The following PDXDC1 variants were observed in gnomAD, a reference collection of about 807,000 sequenced individuals.
PDXDC1 encodes the protein pyridoxal dependent decarboxylase domain containing 1, also known as pyridoxal-dependent decarboxylase domain-containing protein 1.
A neutral mutation model predicts 100.1 loss-of-function variants in PDXDC1; 42 were observed. That is an observed-to-expected ratio of 0.42 (90% CI 0.33 to 0.54). The LOEUF (loss-of-function observed/expected upper bound fraction) is 0.54, where lower values mean the gene tolerates loss of function less well. PDXDC1 is among the 20% of genes least tolerant of loss of function. The probability of loss-of-function intolerance (pLI) is 0.10; values close to 1 mark genes in which losing one functional copy is unlikely to be tolerated. For missense variants in PDXDC1, 636 were observed against 979.2 expected, an observed-to-expected ratio of 0.65 and a Z score of 4.68; for synonymous variants, 260 against 371.7, an observed-to-expected ratio of 0.70 and a Z score of 3.46.
intron 1 of PDXDC1, chr16:14,990,032 C>G: frequency 6.8e-7 from 1 of 1,476,010 alleles, no homozygotes; most frequent in Non-Finnish European, 8.9e-7. Context: ...GGCCGCCCGC[C>G]GCCCGCTGCG....
intron 16 of PDXDC1, among the ~76,000 whole-genome samples, chr16:15,070,616 C>T (rs574903542): frequency 6.6e-6 from 1 of 152,224 alleles, no homozygotes; most frequent in Admixed American, 6.5e-5. Flanking sequence ...GTCTGGTGGA[C>T]TTCAGTATTC....
At chr16:15,011,158 T>TA (rs2041227044) in intron 8 of PDXDC1, among the ~76,000 whole-genome samples, 2 of 152,418 alleles carry the variant, frequency 1.3e-5, no homozygotes, top group South Asian at 4.1e-4. Flanking sequence ...TTGGAAGACT[T>TA]ACCTTGTCAT....
At chr16:15,023,235 G>A (rs1471073028) in intron 13 of PDXDC1, among the ~76,000 whole-genome samples, 1 of 152,282 alleles carries the variant, frequency 6.6e-6, no homozygotes, top group Non-Finnish European at 1.5e-5. Flanking sequence ...TTCCTGAAGT[G>A]AATCCAACAG....
intron 19 of PDXDC1, 64 bp downstream of exon 19, chr16:15,033,463 A>G: frequency 1.3e-6 from 2 of 1,565,814 alleles, no homozygotes; most frequent in Admixed American, 1.7e-5. Context: ...AGCAGGGGCC[A>G]CGAGGAAAGC....
chr16:15,021,204 C>A (rs1179660862), intron 12 of PDXDC1, among the ~76,000 whole-genome samples: 1 of 152,342 alleles, frequency 6.6e-6, no homozygotes, highest in African/African-American at 2.4e-5. Flanking sequence ...TGGTCAAACC[C>A]TGTCTCTACA....
Position 15,031,112 on chromosome 16 carries a change from A to ATTT in PDXDC1, c.1400-602_1400-600dup, listed in dbSNP as rs771115923. ...ACTACAGGCGAGCACCACCACATCT[A>ATTT]TTTTTTTTTTTTTTTTTTTTTTTCC... is the stretch of plus-strand genomic sequence containing the variant. On this transcript the variant is annotated intron_variant, in intron 16 of 22. Coordinates refer to ENST00000396410, the MANE Select transcript of PDXDC1 (RefSeq NM_015027.4). Among the ~76,000 whole-genome samples the ATTT allele has an allele frequency of 6.8e-5, 5 of 73,920 alleles. 1 individual carries two copies. Among genetic ancestry groups the ATTT allele is most frequent in the Admixed American group, 3.8e-4 (2 of 5,224 alleles). 48.5% of individuals were successfully genotyped at this position (73,920 alleles called of 152,430 possible). A position where few individuals can be genotyped will look rare whatever the true frequency, so the allele number is the denominator to read the frequency against.
intron 12 of PDXDC1, among the ~76,000 whole-genome samples, chr16:15,020,883 C>CT (rs1456038185): frequency 6.6e-6 from 1 of 152,180 alleles, no homozygotes; most frequent in Non-Finnish European, 1.5e-5. Context: ...ACTCAGGAGG[C>CT]TGAGGCAGGG....
At chr16:15,069,199 AG>A (rs1394475755) in intron 16 of PDXDC1, among the ~76,000 whole-genome samples, 2 of 151,956 alleles carry the variant, frequency 1.3e-5, no homozygotes, top group African/African-American at 2.4e-5. Context: ...CAGTATCTGG[AG>A]ACACTTTTAG....
At chr16:15,021,563 G>A (rs377092557) in intron 12 of PDXDC1, among the ~76,000 whole-genome samples, 649 of 152,152 alleles carry the variant, frequency 4.3e-3, no homozygotes, top group Non-Finnish European at 3.5e-3. Context: ...TCAATATCCC[G>A]TGGCTATGGA....
intron 16 of PDXDC1, among the ~76,000 whole-genome samples, chr16:15,104,976 T>C (rs2046742203): frequency 2.0e-5 from 3 of 151,592 alleles, no homozygotes; most frequent in Non-Finnish European, 2.9e-5. Flanking sequence ...CACTGTTGTC[T>C]CCACATGCCA....
At chr16:14,999,065 A>T (rs1972597177) in intron 3 of PDXDC1, among the ~76,000 whole-genome samples, 5 of 152,286 alleles carry the variant, frequency 3.3e-5, no homozygotes, top group Admixed American at 3.3e-4. Context: ...AGCCTGAGTG[A>T]TAGAGACACT....
At chr16:14,997,356 G>T (rs1259786007) in intron 1 of PDXDC1, among the ~76,000 whole-genome samples, 1 of 152,244 alleles carries the variant, frequency 6.6e-6, no homozygotes, top group African/African-American at 2.4e-5. Context: ...GGCCAACATG[G>T]TGAAACCCCC....
At chr16:15,108,133 C>G (rs933448955) in intron 16 of PDXDC1, 7 of 809,174 alleles carry the variant, frequency 8.7e-6, no homozygotes, top group Non-Finnish European at 1.0e-5. Flanking sequence ...TGCAAACCAT[C>G]CACCCTGGTG....
In PDXDC1 at chr16:15,128,517, G is replaced by A. The variant is rs1351456411; in HGVS notation, c.1400-10362G>A. The A allele has an allele frequency of 3.1e-4, 203 of 659,388 alleles. No individual in the cohort carries two copies. In the East Asian group the frequency reaches 3.9e-3, roughly 13 times the overall value. The allele number at this position is 659,388 out of a possible 1,614,324, so 40.8% of individuals were successfully genotyped here. ...CACACAGGCAGTCCCGGCTTTGCACGGCTCTGCCATACACGAGGAGCTGAG... is the reference window on the plus strand; with the variant it reads ...CACACAGGCAGTCCCGGCTTTGCACAGCTCTGCCATACACGAGGAGCTGAG... On this transcript the variant is annotated intron_variant, in intron 16 of 16. Coordinates refer to the PDXDC1 transcript ENST00000535621.
In PDXDC1 at chr16:15,005,317, A is replaced by AAAAAAAAAAAG. The variant is rs5816114; in HGVS notation, c.389+987_389+988insAAAAAAAGAAA. On this transcript the variant is annotated intron_variant, in intron 5 of 22. Coordinates refer to ENST00000396410, the MANE Select transcript of PDXDC1 (RefSeq NM_015027.4). Reference sequence around the variant, plus strand: ...GAGACTCTGTCTCAAAAAAAAAAAAAAAAGAAAACTCTGTCATAAGGAAGA... The same window carrying AAAAAAAAAAAG: ...GAGACTCTGTCTCAAAAAAAAAAAAAAAAAAAAAAAGAAAGAAAACTCTGTCATAAGGAAGA... Among the ~76,000 whole-genome samples the AAAAAAAAAAAG allele has an allele frequency of 1.0e-4, 15 of 146,904 alleles. 1 individual carries two copies. Among genetic ancestry groups the AAAAAAAAAAAG allele is most frequent in the East Asian group, 2.1e-4 (1 of 4,834 alleles).
intron 16 of PDXDC1, among the ~76,000 whole-genome samples, chr16:15,082,036 CAT>C (rs1258943593): frequency 3.3e-5 from 5 of 152,198 alleles, no homozygotes; most frequent in Non-Finnish European, 7.3e-5. Flanking sequence ...CTTAGAATGA[CAT>C]ATAAAATCAC....
chr16:14,990,259 G>A (rs566488566), intron 1 of PDXDC1: 484 of 584,144 alleles, frequency 8.3e-4, no homozygotes, highest in African/African-American at 6.5e-3. Flanking sequence ...GGCCCAGACC[G>A]CGGCGCCCAC....
chr16:15,064,649 A>G (rs1174249131), intron 16 of PDXDC1, among the ~76,000 whole-genome samples: 1 of 152,252 alleles, frequency 6.6e-6, no homozygotes, highest in African/African-American at 2.4e-5. Context: ...GAAAAACAAA[A>G]AACAAAAAAC....
intron 16 of PDXDC1, chr16:15,068,122 T>A (rs2045057070): frequency 3.4e-6 from 5 of 1,491,094 alleles, no homozygotes; most frequent in Non-Finnish European, 4.5e-6. Flanking sequence ...TAAACATAAA[T>A]AAAAATATTT....
Sources: gnomAD v4.1 joint callset for allele counts (sites outside exome capture counted in the v4.1 genomes callset) on GRCh38, gnomAD v4.1.1 for gene constraint, MANE v1.5 for transcripts, NCBI Gene and HGNC (gene_info 2026-07-23, HGNC 2026-07-21) for gene names.